ABCB4: variants seen among roughly 807,000 people sequenced by gnomAD.
ABCB4 encodes phosphatidylcholine translocator ABCB4.
ABCB4 carries 76 observed loss-of-function variants against 145.7 expected under a neutral mutation model. That is an observed-to-expected ratio of 0.52 (90% CI 0.43 to 0.63). The LOEUF (loss-of-function observed/expected upper bound fraction) is 0.63. Among genes scored for constraint, ABCB4 ranks in the 30% least tolerant of loss-of-function variants. The pLI is 0.00. For synonymous variants in ABCB4, 517 were observed against 566.8 expected (o/e 0.91, Z 1.25); for missense variants, 1,234 against 1,553.1 (o/e 0.79, Z 3.45).
intron 1 of ABCB4, 56 bp downstream of exon 1, chr7:87,475,578 C>T (rs1037172133): frequency 9.3e-7 from 1 of 1,069,840 alleles, no homozygotes; most frequent in South Asian, 1.3e-5. Context: ...ACTCCCGCCC[C>T]GCGCCCCACG....
At chr7:87,472,147 T>C (rs545649430) in intron 3 of ABCB4, among the ~76,000 whole-genome samples, 1 of 152,316 alleles carries the variant, frequency 6.6e-6, no homozygotes, top group African/African-American at 2.4e-5. Flanking sequence ...ATGTGGGTCA[T>C]TGACTATAAT....
At chr7:87,425,770 G>T (rs1809761505) in intron 16 of ABCB4, among the ~76,000 whole-genome samples, 1 of 152,040 alleles carries the variant, frequency 6.6e-6, no homozygotes, top group African/African-American at 2.4e-5. Context: ...CGGCTACTAA[G>T]GAGGCTGAAG....
chr7:87,462,761 G>A lies in ABCB4; in HGVS notation c.283C>T (p.Pro95Ser), dbSNP rs377268767. ...FVDTAGNFSFPVNFSLSLLNP... is the reference protein window; with the variant it reads ...FVDTAGNFSFSVNFSLSLLNP... The stretch of plus-strand genomic sequence containing the variant: ...TAAAAGGTAAAGAAATGCTTACCTG[G>A]AAAGGAGAAGTTTCCTGCAGTATCA... Residue 95 changes from proline to serine, a missense_variant, in exon 4 of 28, where the codon CCA becomes TCA. This residue lies in a region of ABCB4 where 467 missense variants were observed against 632.8 expected (regional missense o/e 0.74). Coordinates refer to ENST00000649586, the MANE Select transcript of ABCB4 (RefSeq NM_000443.4). 6.2e-7 allele frequency: 1 copy of A among 1,613,772 alleles called. No individual in the cohort carries two copies.
At position 87,422,207 on chromosome 7, in the gene ABCB4, C is replaced by A; in HGVS notation, c.2230G>T (p.Asp744Tyr). The change falls in exon 18 of 28, where the codon GAT (aspartate) becomes TAT (tyrosine). Residue 744 changes from aspartate (D) to tyrosine (Y), a missense_variant. Around this residue, in one of 7 missense-constraint regions of ABCB4, gnomAD observed 321 missense variants for 332.6 expected, o/e 0.97. Coordinates refer to ENST00000649586, the MANE Select transcript of ABCB4 (RefSeq NM_000443.4). The part of the protein sequence containing the change: ...EIIAIFGPGD[D>Y]AVKQQKCNIF... ...TTGCACTTCTGCTGCTTCACTGCAT[C>A]ATCGCCTGGTCCAAAAATCTACAAA... 11 of 1,613,486 alleles carry A rather than the reference C, an allele frequency of 6.8e-6. No individual in the cohort carries two copies. Among genetic ancestry groups the A allele is most frequent in the Non-Finnish European group, 9.3e-6 (11 of 1,179,582 alleles).
At chr7:87,431,653 G>A (rs1202729977) in intron 14 of ABCB4, 88 bp from the exon 15 acceptor site, 2 of 1,492,894 alleles carry the variant, frequency 1.3e-6, no homozygotes, top group East Asian at 2.3e-5. Flanking sequence ...GATGAATGCT[G>A]TTTGTAGATG....
At chr7:87,471,645 A>C (rs1483954486) in intron 3 of ABCB4, among the ~76,000 whole-genome samples, 1 of 152,204 alleles carries the variant, frequency 6.6e-6, no homozygotes, top group East Asian at 1.9e-4. Flanking sequence ...ACTTAATTCT[A>C]ACTTCTTTGC....
chr7:87,396,678 A>C, the ABCB4 span, among the ~76,000 whole-genome samples: 1 of 129,942 alleles, frequency 7.7e-6, no homozygotes, highest in Non-Finnish European at 1.6e-5. Context: ...TAAATGTATT[A>C]CATGCTGATT....
At chr7:87,371,308 G>C in the ABCB4 span, among the ~76,000 whole-genome samples, 1 of 152,068 alleles carries the variant, frequency 6.6e-6, no homozygotes, top group African/African-American at 2.4e-5. Flanking sequence ...TATTTTTATA[G>C]TTAGCTTCTT....
intron 12 of ABCB4, among the ~76,000 whole-genome samples, chr7:87,441,592 TA>T (rs1562977484): frequency 7.9e-5 from 12 of 151,544 alleles, no homozygotes; most frequent in Admixed American, 1.3e-4. Context: ...TTTTTTTTTT[TA>T]AATTTAGAGA....
chr7:87,427,220 A>G (rs1809899278), intron 15 of ABCB4, among the ~76,000 whole-genome samples: 3 of 152,114 alleles, frequency 2.0e-5, no homozygotes, highest in African/African-American at 4.8e-5. Flanking sequence ...TTAATATGCA[A>G]TAATCCAGGG....
rs758136245 is a variant in ABCB4 at position 87,433,212 on chromosome 7, TA to T, written c.1732-1648del. Among the ~76,000 whole-genome samples, 21 of 152,302 alleles carry T rather than the reference TA, an allele frequency of 1.4e-4. No individual in the cohort carries two copies. The East Asian group carries it at 2.9e-3, about 21-fold the overall frequency. ...TTCTACTTTAGTCCTTACATTAAAA[TA>T]AATCCAGATGAATCAATTGTTTTTA... On this transcript the variant is annotated intron_variant, in intron 14 of 27. Transcript: ENST00000649586.
rs1011121780 is a variant in ABCB4 at position 87,443,921 on chromosome 7, A to G, written c.1120-148T>C. 10 of 686,238 alleles carry G rather than the reference A, an allele frequency of 1.5e-5. 1 individual carries two copies. The African/African-American group carries it at 1.6e-4, about 11-fold the overall frequency. 42.5% of individuals were successfully genotyped at this position (686,238 alleles called of 1,614,324 possible). ...AAAACCCAAGATGAAGATTGTGTGT[A>G]TATGTATGTGTGCTGTTTAAAGAAA... On this transcript the variant is annotated intron_variant, in intron 10 of 27. Transcript: ENST00000649586.
chr7:87,470,196 T>C (rs1813261051), intron 3 of ABCB4, among the ~76,000 whole-genome samples: 1 of 152,188 alleles, frequency 6.6e-6, no homozygotes, highest in South Asian at 2.1e-4. Flanking sequence ...ATCCCTTCCT[T>C]ACACCTTATA....
chr7:87,407,768 T>C (rs1192912014), intron 25 of ABCB4, among the ~76,000 whole-genome samples: 1 of 152,154 alleles, frequency 6.6e-6, no homozygotes, highest in Non-Finnish European at 1.5e-5. Flanking sequence ...AGTATTTGCT[T>C]AGAACAATCA....
intron 15 of ABCB4, among the ~76,000 whole-genome samples, chr7:87,428,274 G>A (rs957848466): frequency 5.9e-5 from 9 of 152,056 alleles, no homozygotes; most frequent in African/African-American, 1.9e-4. Flanking sequence ...AGTTGGTGTT[G>A]GGTGCTTCAG....
chr7:87,427,465 T>C (rs1394014880), intron 15 of ABCB4, among the ~76,000 whole-genome samples: 1 of 152,018 alleles, frequency 6.6e-6, no homozygotes, highest in African/African-American at 2.4e-5. Context: ...GGCTGTGAGA[T>C]CAGTTCTCTT....
At chr7:87,437,975 A>G (rs748216004) in intron 14 of ABCB4, among the ~76,000 whole-genome samples, 27 of 152,254 alleles carry the variant, frequency 1.8e-4, no homozygotes, top group Non-Finnish European at 4.4e-5. Context: ...CCAAATACGT[A>G]CTAAAACTTG....
intron 14 of ABCB4, among the ~76,000 whole-genome samples, chr7:87,432,709 C>T (rs1810329087): frequency 6.6e-6 from 1 of 152,012 alleles, no homozygotes; most frequent in Non-Finnish European, 1.5e-5. Context: ...TCATGGTTGC[C>T]AAGGGCTAGA....
chr7:87,449,273 A>G (rs183217242), intron 8 of ABCB4, among the ~76,000 whole-genome samples: 50 of 152,254 alleles, frequency 3.3e-4, no homozygotes, highest in African/African-American at 1.2e-3. Flanking sequence ...GGCTATAACT[A>G]GGAAGTCGAT....
Sources: gnomAD v4.1 joint callset for allele counts (sites outside exome capture counted in the v4.1 genomes callset) on GRCh38, gnomAD v4.1.1 for gene constraint, gnomAD v4.1.1 regional missense constraint, MANE v1.5 for transcripts, NCBI Gene and HGNC (gene_info 2026-07-23, HGNC 2026-07-21) for gene names.